ATG7: variants seen among roughly 807,000 people sequenced by gnomAD.
ATG7 encodes the protein ubiquitin-like modifier-activating enzyme ATG7.
ATG7 carries 70 observed loss-of-function variants against 82.4 expected under a neutral mutation model. The observed-to-expected ratio is 0.85, with a 90% CI of 0.70 to 1.04. The LOEUF is 1.04. Among genes scored for constraint, ATG7 ranks in the 50% least tolerant of loss-of-function variants. ATG7 has a pLI of 0.00. For missense variants in ATG7, 792 were observed against 864.3 expected (o/e 0.92, Z 1.05); for synonymous variants, 287 against 313.0 (o/e 0.92, Z 0.88).
chr3:11,415,237 T>G (rs1321442576), intron 19 of ATG7, among the ~76,000 whole-genome samples: 1 of 152,354 alleles, frequency 6.6e-6, no homozygotes, highest in East Asian at 1.9e-4. Context: ...GGTACACCTG[T>G]GCAGAATACT....
intron 18 of ATG7, 60 bp from the exon 19 acceptor site, chr3:11,379,912 A>G: frequency 5.2e-6 from 8 of 1,526,802 alleles, no homozygotes; most frequent in Admixed American, 1.7e-5. Context: ...CCAGACGTGC[A>G]TTTCATAGAT....
At chr3:11,328,498 A>G (rs1363965153) in intron 9 of ATG7, among the ~76,000 whole-genome samples, 1 of 152,234 alleles carries the variant, frequency 6.6e-6, no homozygotes, top group African/African-American at 2.4e-5. Flanking sequence ...TAAGAAACGA[A>G]CATGCATTTA....
At chr3:11,359,224 A>C (rs976016834) in intron 15 of ATG7, among the ~76,000 whole-genome samples, 3 of 152,196 alleles carry the variant, frequency 2.0e-5, no homozygotes, top group African/African-American at 7.2e-5. Flanking sequence ...GGGAGAAAAT[A>C]GTAGGTAAAA....
chr3:11,456,194 C>T (rs918873685), intron 20 of ATG7, among the ~76,000 whole-genome samples: 9 of 152,164 alleles, frequency 5.9e-5, no homozygotes, highest in African/African-American at 1.4e-4. Context: ...TTCGTCTCTT[C>T]GGATTTGCGT....
chr3:11,393,336 C>G (rs2078966389), intron 19 of ATG7, among the ~76,000 whole-genome samples: 2 of 152,058 alleles, frequency 1.3e-5, no homozygotes, highest in South Asian at 4.1e-4. Flanking sequence ...TTTGTAATAG[C>G]CACACCTGGG....
At chr3:11,418,995 G>GGT (rs1171202177) in intron 19 of ATG7, among the ~76,000 whole-genome samples, 1 of 151,724 alleles carries the variant, frequency 6.6e-6, no homozygotes, top group African/African-American at 2.4e-5. Flanking sequence ...CCGCCCACCA[G>GGT]GTCCCTCCCC....
intron 20 of ATG7, among the ~76,000 whole-genome samples, chr3:11,497,015 C>CTA (rs1575047822): frequency 6.6e-6 from 1 of 151,672 alleles, no homozygotes; most frequent in African/African-American, 2.4e-5. Flanking sequence ...CCATGCCCAG[C>CTA]TAATTTTTGT....
chr3:11,555,186 A>C lies in ATG7; in HGVS notation c.*343A>C. ...GAGGGGGTGACCCAACACAGACCAA[A>C]TGGGGAAATGAGCAACCAGCTCCTG... On this transcript the variant is annotated 3_prime_UTR_variant, in exon 21 of 21. Coordinates refer to ENST00000693202, the MANE Select transcript of ATG7 (RefSeq NM_001349232.2). 3.6e-6 allele frequency: 1 copy of C among 275,098 alleles called. No individual in the cohort carries two copies. The highest frequency in any genetic ancestry group is 6.8e-6 in the Non-Finnish European group (1 of 147,164). The allele number at this position is 275,098 out of a possible 1,614,324, so 17.0% of individuals were successfully genotyped here.
intron 9 of ATG7, 95 bp from the exon 10 acceptor site, chr3:11,331,244 GA>G: frequency 1.0e-6 from 1 of 1,002,248 alleles, no homozygotes; most frequent in Non-Finnish European, 1.5e-6. Flanking sequence ...AGGCTTTGCA[GA>G]AAGCATAAAA....
chr3:11,465,603 TA>T (rs1228352679), intron 20 of ATG7, among the ~76,000 whole-genome samples: 2 of 150,942 alleles, frequency 1.3e-5, no homozygotes, highest in Non-Finnish European at 3.0e-5. Context: ...AAAATAATAA[TA>T]AAAAATAAAA....
At chr3:11,515,721 A>G (rs2092258668) in intron 20 of ATG7, among the ~76,000 whole-genome samples, 1 of 152,154 alleles carries the variant, frequency 6.6e-6, no homozygotes, top group African/African-American at 2.4e-5. Context: ...CATACACATC[A>G]GTTTTATCAC....
intron 13 of ATG7, among the ~76,000 whole-genome samples, chr3:11,345,790 G>A (rs187891570): frequency 2.0e-5 from 3 of 151,820 alleles, no homozygotes; most frequent in African/African-American, 7.2e-5. Flanking sequence ...CTCCTTCTGT[G>A]GAATTTATTT....
chr3:11,414,438 C>G (rs1009112901), intron 19 of ATG7, among the ~76,000 whole-genome samples: 1 of 152,172 alleles, frequency 6.6e-6, no homozygotes, highest in East Asian at 1.9e-4. Context: ...GTGTTAGTTC[C>G]AACAGTGTTT....
intron 19 of ATG7, among the ~76,000 whole-genome samples, chr3:11,423,468 C>G (rs913892869): frequency 2.0e-5 from 3 of 152,200 alleles, no homozygotes; most frequent in Non-Finnish European, 4.4e-5. Context: ...CCACAACTTT[C>G]AATTTTTTTT....
At chr3:11,539,690 A>C (rs546405965) in intron 20 of ATG7, among the ~76,000 whole-genome samples, 34 of 152,360 alleles carry the variant, frequency 2.2e-4, no homozygotes, top group African/African-American at 8.2e-4. Context: ...CCCCCGTCTT[A>C]AGCTATATTC....
intron 18 of ATG7, among the ~76,000 whole-genome samples, chr3:11,374,868 C>T (rs1372218058): frequency 7.3e-6 from 1 of 136,330 alleles, no homozygotes; most frequent in African/African-American, 2.8e-5. Flanking sequence ...CGCTCCACTA[C>T]ACTCCAGCCT....
chr3:11,541,383 G>A (rs568530653), intron 20 of ATG7, among the ~76,000 whole-genome samples: 2 of 152,310 alleles, frequency 1.3e-5, no homozygotes, highest in Admixed American at 1.3e-4. Flanking sequence ...ACCTGCCCGT[G>A]TTTGTGGGTC....
intron 20 of ATG7, among the ~76,000 whole-genome samples, chr3:11,462,070 G>A (rs975171911): frequency 6.6e-6 from 1 of 151,836 alleles, no homozygotes; most frequent in African/African-American, 2.4e-5. Context: ...TGAATCTAAG[G>A]GACAACTCCA....
rs543334497 is a variant in ATG7 at position 11,315,387 on chromosome 3, A to G, written c.572A>G (p.Glu191Gly). The change falls in exon 9 of 21, where the codon GAA becomes GGA. Residue 191 changes from glutamate to glycine, a missense_variant. By Grantham distance (98) the Glu-to-Gly change is moderately conservative (BLOSUM62 -2). Transcript: ENST00000693202. The stretch of plus-strand genomic sequence containing the variant: ...GCATATGATAATCTTTGTCAAACAG[A>G]AGGAGTCACAGCTCTTCCTTACTTC... ...ECAYDNLCQTEGVTALPYFLI... is the reference protein window; with the variant it reads ...ECAYDNLCQTGGVTALPYFLI... 1 of 1,610,502 alleles carries G rather than the reference A, an allele frequency of 6.2e-7. No homozygotes were observed. Among genetic ancestry groups the G allele is most frequent in the African/African-American group, 1.3e-5 (1 of 74,894 alleles).
Sources: gnomAD v4.1 joint callset for allele counts (sites outside exome capture counted in the v4.1 genomes callset) on GRCh38, gnomAD v4.1.1 for gene constraint, MANE v1.5 for transcripts, NCBI Gene and HGNC (gene_info 2026-07-23, HGNC 2026-07-21) for gene names.